LEF1: variants seen among roughly 807,000 people sequenced by gnomAD.
The protein encoded by LEF1 is lymphoid enhancer binding factor 1.
A neutral mutation model predicts 51.2 loss-of-function variants in LEF1; 14 were observed. That is an observed-to-expected ratio of 0.27 (90% CI 0.18 to 0.43). The LOEUF (loss-of-function observed/expected upper bound fraction) is 0.43. Ranked by LOEUF, LEF1 falls within the 20% of genes least tolerant of loss-of-function variation. The pLI is 1.00. For missense variants in LEF1, 386 were observed against 512.0 expected (o/e 0.75, Z 2.37); for synonymous variants, 185 against 183.2 (o/e 1.01, Z -0.08).
At chr4:108,140,443 T>A (rs1215240583) in intron 3 of LEF1, among the ~76,000 whole-genome samples, 1 of 152,234 alleles carries the variant, frequency 6.6e-6, no homozygotes, top group Non-Finnish European at 1.5e-5. Context: ...TATCTTTCGA[T>A]AACTGCACCC....
chr4:108,140,317 T>C (rs1468741231), intron 3 of LEF1, among the ~76,000 whole-genome samples: 2 of 152,186 alleles, frequency 1.3e-5, no homozygotes, highest in African/African-American at 4.8e-5. Flanking sequence ...AAGATAAAAA[T>C]TCATTGATGT....
chr4:108,117,133 T>C (rs1311588504), intron 3 of LEF1, among the ~76,000 whole-genome samples: 2 of 152,238 alleles, frequency 1.3e-5, no homozygotes, highest in East Asian at 3.8e-4. Flanking sequence ...AATCAACCCA[T>C]GTAAAACATT....
rs1323386448 is a variant in LEF1 at position 108,121,855 on chromosome 4, C to G, written c.415-32598G>C. On this transcript the variant is annotated intron_variant, in intron 3 of 11. Coordinates refer to ENST00000265165, the MANE Select transcript of LEF1 (RefSeq NM_016269.5). ...CTCTAAGTACCTGTTGGCTGCACAT[C>G]ACTGGTTTTGATATGTAAACTTTTT... is the stretch of plus-strand genomic sequence containing the variant. Among the ~76,000 whole-genome samples, 4 of 152,218 alleles carry G rather than the reference C, an allele frequency of 2.6e-5. No homozygotes were observed. The East Asian group carries it at 7.7e-4, about 29-fold the overall frequency.
At chr4:108,090,126 G>A (rs982294834) in intron 3 of LEF1, among the ~76,000 whole-genome samples, 4 of 151,888 alleles carry the variant, frequency 2.6e-5, no homozygotes, top group Non-Finnish European at 5.9e-5. Flanking sequence ...ACAGGCACCC[G>A]CCACCACATT....
At chr4:108,081,441 G>A in intron 6 of LEF1, 145 bp downstream of exon 6, 1 of 646,372 alleles carries the variant, frequency 1.5e-6, no homozygotes, top group Admixed American at 2.4e-5. Flanking sequence ...GACACCTAGT[G>A]TGGGAGCCAG....
At chr4:108,104,520 T>G (rs922225089) in intron 3 of LEF1, among the ~76,000 whole-genome samples, 2 of 149,498 alleles carry the variant, frequency 1.3e-5, no homozygotes, top group Admixed American at 1.3e-4. Context: ...ACATATTATA[T>G]CTCTGAACAT....
At chr4:108,115,846 TACACACACACAC>T (rs55839332) in intron 3 of LEF1, among the ~76,000 whole-genome samples, 5 of 139,376 alleles carry the variant, frequency 3.6e-5, no homozygotes, top group East Asian at 2.2e-4. Context: ...ATGTAACACA[TACACACACACAC>T]ACACACACAC....
At chr4:108,163,259 CTCA>C (rs764786333) in intron 3 of LEF1, among the ~76,000 whole-genome samples, 2 of 152,154 alleles carry the variant, frequency 1.3e-5, no homozygotes, top group African/African-American at 2.4e-5. Flanking sequence ...ATTTTTTCCT[CTCA>C]TCAGCATAGA....
intron 3 of LEF1, among the ~76,000 whole-genome samples, chr4:108,147,638 C>T (rs1189431229): frequency 6.6e-6 from 1 of 152,236 alleles, no homozygotes; most frequent in African/African-American, 2.4e-5. Flanking sequence ...CTCAAGCCTG[C>T]AATTCACAGT....
At chr4:108,049,538 G>A (rs1400909505) in intron 11 of LEF1, among the ~76,000 whole-genome samples, 2 of 152,188 alleles carry the variant, frequency 1.3e-5, no homozygotes, top group African/African-American at 4.8e-5. Context: ...GCATGGCAAA[G>A]TTCCGTTCCT....
chr4:108,138,226 T>C (rs1427439373), intron 3 of LEF1, among the ~76,000 whole-genome samples: 4 of 152,154 alleles, frequency 2.6e-5, no homozygotes, highest in African/African-American at 9.7e-5. Context: ...AAAGAGTACA[T>C]CTCAAAAGGT....
intron 5 of LEF1, among the ~76,000 whole-genome samples, chr4:108,082,707 C>T (rs1739389301): frequency 6.6e-6 from 1 of 152,136 alleles, no homozygotes; most frequent in African/African-American, 2.4e-5. Context: ...CCATGTTATT[C>T]TTTCTTCCCA....
intron 3 of LEF1, among the ~76,000 whole-genome samples, chr4:108,123,799 C>G (rs959201199): frequency 6.6e-6 from 1 of 151,988 alleles, no homozygotes; most frequent in Non-Finnish European, 1.5e-5. Flanking sequence ...TTTAAGATGC[C>G]TAATATCAGC....
At chr4:108,082,967 T>C (rs781438645) in intron 5 of LEF1, among the ~76,000 whole-genome samples, 2 of 152,154 alleles carry the variant, frequency 1.3e-5, no homozygotes, top group Non-Finnish European at 2.9e-5. Context: ...CACTTACAAG[T>C]AAAGGTAGAT....
intron 3 of LEF1, among the ~76,000 whole-genome samples, chr4:108,138,738 A>C (rs1743458737): frequency 6.6e-6 from 1 of 152,234 alleles, no homozygotes; most frequent in African/African-American, 2.4e-5. Flanking sequence ...CACTGCCTAT[A>C]TGAGAATAGA....
intron 2 of LEF1, 147 bp from the exon 3 acceptor site, chr4:108,163,848 T>C (rs1745223118): frequency 1.2e-6 from 1 of 820,906 alleles, no homozygotes; most frequent in Non-Finnish European, 1.8e-6. Flanking sequence ...ATTATTATGC[T>C]CTATTTTAGA....
chr4:108,089,662 T>C (rs1739880483), intron 3 of LEF1, among the ~76,000 whole-genome samples: 1 of 152,168 alleles, frequency 6.6e-6, no homozygotes, highest in Admixed American at 6.5e-5. Flanking sequence ...ACTACATATG[T>C]CTGGCACAAA....
At chr4:108,067,532 C>CCT (rs1738157116) in intron 9 of LEF1, among the ~76,000 whole-genome samples, 1 of 139,286 alleles carries the variant, frequency 7.2e-6, no homozygotes, top group Non-Finnish European at 1.6e-5. Context: ...TTAGAAGATC[C>CCT]TTTTTTTTTT....
intron 3 of LEF1, among the ~76,000 whole-genome samples, chr4:108,134,115 T>A (rs568666975): frequency 1.3e-5 from 2 of 150,624 alleles, no homozygotes; most frequent in South Asian, 4.2e-4. Flanking sequence ...CTAACGAGTA[T>A]ATATAAATAA....
Sources: allele counts gnomAD v4.1 joint callset (sites outside exome capture counted in the v4.1 genomes callset), GRCh38; gene constraint gnomAD v4.1.1; transcripts MANE v1.5; gene names NCBI Gene and HGNC (gene_info 2026-07-23, HGNC 2026-07-21).